LRRC2: variants seen among roughly 807,000 people sequenced by gnomAD.
LRRC2 encodes leucine-rich repeat-containing protein 2.
LRRC2 carries 27 observed loss-of-function variants against 40.2 expected under a neutral mutation model. The ratio of observed to expected loss-of-function variants is 0.67; its 90% CI spans 0.49 to 0.93. The LOEUF (loss-of-function observed/expected upper bound fraction) is 0.93. Ranked by LOEUF, LRRC2 falls within the 40% of genes least tolerant of loss-of-function variation. The pLI, the probability that LRRC2 is intolerant of heterozygous loss-of-function variation, is 0.00. For synonymous variants in LRRC2, 147 were observed against 158.9 expected (o/e 0.92, Z 0.56); for missense variants, 402 against 439.6 (o/e 0.91, Z 0.76).
intron 3 of LRRC2, among the ~76,000 whole-genome samples, chr3:46,541,669 CAGT>C (rs1328355249): frequency 1.3e-5 from 2 of 152,166 alleles, no homozygotes; most frequent in African/African-American, 4.8e-5. Context: ...AGAGACTCGG[CAGT>C]AGAAGAGCCT....
chr3:46,551,218 T>C (rs1704638867), intron 2 of LRRC2: 3 of 300,908 alleles, frequency 1.0e-5, no homozygotes, highest in Non-Finnish European at 1.8e-5. Flanking sequence ...GGATTTATCG[T>C]GTCATCTCGG....
intron 8 of LRRC2, among the ~76,000 whole-genome samples, chr3:46,520,405 C>T (rs1217241351): frequency 6.6e-6 from 1 of 151,906 alleles, no homozygotes; most frequent in Non-Finnish European, 1.5e-5. Flanking sequence ...TAAATTTTGA[C>T]AAATAAATGG....
chr3:46,550,185 G>A (rs1704612350), intron 2 of LRRC2, among the ~76,000 whole-genome samples: 1 of 152,118 alleles, frequency 6.6e-6, no homozygotes, highest in African/African-American at 2.4e-5. Context: ...CCATCTGTGT[G>A]AACTTGAGCA....
intron 1 of LRRC2, among the ~76,000 whole-genome samples, chr3:46,555,314 T>A (rs960069376): frequency 5.9e-5 from 9 of 152,180 alleles, no homozygotes; most frequent in Admixed American, 1.3e-4. Flanking sequence ...TGACTATCTC[T>A]ATCTTTTAAT....
At chr3:46,531,301 T>G (rs1298436587) in intron 5 of LRRC2, among the ~76,000 whole-genome samples, 1 of 151,500 alleles carries the variant, frequency 6.6e-6, no homozygotes, top group Admixed American at 6.6e-5. Context: ...TTGGGGGTAG[T>G]GGGTGGGGGA....
rs920163027 is a variant in LRRC2 at position 46,517,164 on chromosome 3, C to T, written c.*1850G>A. 6.6e-6 allele frequency: 1 copy of T among 152,132 alleles called. No homozygotes were observed. Among genetic ancestry groups the T allele is most frequent in the Non-Finnish European group, 1.5e-5 (1 of 68,034 alleles). 9.4% of individuals were successfully genotyped at this position (152,132 alleles called of 1,614,324 possible). On this transcript the variant is annotated 3_prime_UTR_variant, in exon 9 of 9. Transcript: ENST00000395905. ...TGGACAACGCAAATACAGAACATTT[C>T]CGTCACTGCAGAAAGCTCCACTGGA...
intron 1 of LRRC2, among the ~76,000 whole-genome samples, chr3:46,564,203 C>G (rs1705010609): frequency 6.6e-6 from 1 of 151,748 alleles, no homozygotes; most frequent in Non-Finnish European, 1.5e-5. Flanking sequence ...TTGGGAGAGT[C>G]CTGCAGGGAC....
intron 4 of LRRC2, among the ~76,000 whole-genome samples, chr3:46,537,769 T>A (rs1456002303): frequency 2.0e-5 from 3 of 152,220 alleles, no homozygotes; most frequent in African/African-American, 7.2e-5. Flanking sequence ...AGCTAATAAA[T>A]TTTGCCTATT....
At chr3:46,554,561 G>A (rs941233595) in intron 1 of LRRC2, among the ~76,000 whole-genome samples, 1 of 151,310 alleles carries the variant, frequency 6.6e-6, no homozygotes, top group Non-Finnish European at 1.5e-5. Flanking sequence ...AGAATTGCTT[G>A]AACCTGGGAG....
At chr3:46,560,414 G>A (rs1422438824) in intron 1 of LRRC2, among the ~76,000 whole-genome samples, 1 of 152,162 alleles carries the variant, frequency 6.6e-6, no homozygotes, top group Non-Finnish European at 1.5e-5. Flanking sequence ...CAAAGACATA[G>A]AATGCAATGT....
chr3:46,534,414 T>G (rs1704229420), intron 4 of LRRC2, among the ~76,000 whole-genome samples: 1 of 79,578 alleles, frequency 1.3e-5, no homozygotes, highest in African/African-American at 3.7e-5. Flanking sequence ...TCTTTTCTTT[T>G]CCTTCCTTCC....
chr3:46,538,708 T>C (rs1230196127), intron 4 of LRRC2, among the ~76,000 whole-genome samples: 1 of 152,218 alleles, frequency 6.6e-6, no homozygotes, highest in Non-Finnish European at 1.5e-5. Flanking sequence ...AGCAATACAT[T>C]ACATTTCTAA....
chr3:46,562,388 A>G (rs1383282762), intron 1 of LRRC2, among the ~76,000 whole-genome samples: 1 of 152,124 alleles, frequency 6.6e-6, no homozygotes, highest in East Asian at 1.9e-4. Context: ...AGCCAGAAAC[A>G]CTCAGCTAAA....
intron 1 of LRRC2, among the ~76,000 whole-genome samples, chr3:46,557,210 T>C (rs1313181409): frequency 6.6e-6 from 1 of 152,126 alleles, no homozygotes; most frequent in East Asian, 1.9e-4. Context: ...AAATGGCCGG[T>C]CCTTGCCTTA....
chr3:46,551,300 C>T (rs940452848), intron 2 of LRRC2, 167 bp downstream of exon 2: 8 of 676,550 alleles, frequency 1.2e-5, no homozygotes, highest in Admixed American at 3.5e-5. Context: ...ATAGGAACTG[C>T]GTATTTGTAC....
chr3:46,519,229 CATTA>C lies in LRRC2; in HGVS notation c.1067-170_1067-167del, dbSNP rs1419750444. On this transcript the variant is annotated intron_variant, in intron 8 of 8. Transcript: ENST00000395905. ...AGGTGATAAATAATGCATTTGTCACCATTAAGTAAGTCATCACAAATGTGCAGTC... is the reference window on the plus strand; with the variant it reads ...AGGTGATAAATAATGCATTTGTCACCAGTAAGTCATCACAAATGTGCAGTC... Among the ~76,000 whole-genome samples the C allele has an allele frequency of 2.4e-5, 3 of 125,040 alleles. No individual in the cohort carries two copies. In the Admixed American group the frequency reaches 2.5e-4, roughly 10 times the overall value. The allele number at this position is 125,040 out of a possible 152,430, so 82.0% of individuals were successfully genotyped here. A position where few individuals can be genotyped will look rare whatever the true frequency, so the allele number is the denominator to read the frequency against.
At chr3:46,561,246 A>G (rs2139633) in intron 1 of LRRC2, among the ~76,000 whole-genome samples, 57,679 of 151,722 alleles carry the variant, frequency 0.38, 11,256 homozygotes, top group East Asian at 0.63. Context: ...ATGGTGAAAA[A>G]GGGGCAGGGT....
At chr3:46,535,506 A>G (rs2107005306) in intron 4 of LRRC2, among the ~76,000 whole-genome samples, 1 of 152,334 alleles carries the variant, frequency 6.6e-6, no homozygotes, top group South Asian at 2.1e-4. Context: ...AACTCACAAA[A>G]AAATTCAACT....
In LRRC2 at chr3:46,525,231, G is replaced by A. The variant is rs546187635; in HGVS notation, c.929+2195C>T. 3.4e-4 allele frequency among the ~76,000 whole-genome samples: 51 copies of A among 150,250 alleles called. No homozygotes were observed. In the South Asian group the frequency reaches 0.011, roughly 31 times the overall value. On this transcript the variant is annotated intron_variant, in intron 7 of 8. Coordinates refer to ENST00000395905, the MANE Select transcript of LRRC2 (RefSeq NM_024512.5). ...AGCCACCCAGGTAGCTGGGACTACA[G>A]GCACATGCCACCATGCCAGGCCTTT...
Sources: gnomAD v4.1 joint callset for allele counts (sites outside exome capture counted in the v4.1 genomes callset) on GRCh38, gnomAD v4.1.1 for gene constraint, MANE v1.5 for transcripts, NCBI Gene and HGNC (gene_info 2026-07-23, HGNC 2026-07-21) for gene names.